Variants in TBC1D4 observed in about 807,000 individuals in gnomAD.
TBC1D4 encodes the protein TBC1 domain family member 4, also known as TBC (Tre-2, BUB2, CDC16) domain-containing protein.
TBC1D4 carries 121 observed loss-of-function variants against 142.5 expected under a neutral mutation model. The observed-to-expected ratio is 0.85, with a 90% CI of 0.73 to 0.99. The LOEUF is 0.99. TBC1D4 is among the 50% of genes least tolerant of loss of function. The pLI is 0.00. For synonymous variants in TBC1D4, 630 were observed against 628.2 expected, an observed-to-expected ratio of 1.00 and a Z score of -0.04; for missense variants, 1,475 against 1,606.6, an observed-to-expected ratio of 0.92 and a Z score of 1.40.
In TBC1D4 at chr13:75,464,060, C is replaced by T. The variant is rs189252997; in HGVS notation, c.498+17210G>A. ...GTACAGTTTTTCCCAGATGTCCAAA[C>T]AATGCCCTCCTCAGTATGTTAACTT... On this transcript the variant is annotated intron_variant, in intron 1 of 20. Coordinates refer to ENST00000377636, the MANE Select transcript of TBC1D4 (RefSeq NM_014832.5). 2.6e-3 allele frequency among the ~76,000 whole-genome samples: 402 copies of T among 152,324 alleles called. 3 individuals are homozygous for T. The highest frequency in any genetic ancestry group is 9.3e-3 in the African/African-American group (386 of 41,570).
intron 1 of TBC1D4, among the ~76,000 whole-genome samples, chr13:75,442,241 C>T (rs1368935486): frequency 1.3e-5 from 2 of 152,220 alleles, no homozygotes; most frequent in Admixed American, 1.3e-4. Context: ...TCAGTTTCTT[C>T]ATCTGTGAAA....
intron 1 of TBC1D4, among the ~76,000 whole-genome samples, chr13:75,466,256 A>G (rs1317300530): frequency 3.3e-5 from 5 of 152,246 alleles, no homozygotes; most frequent in Non-Finnish European, 7.3e-5. Context: ...AAAACTTAGC[A>G]GAAGTTAGTT....
chr13:75,463,898 T>C (rs1446312500), intron 1 of TBC1D4, among the ~76,000 whole-genome samples: 4 of 152,188 alleles, frequency 2.6e-5, no homozygotes, highest in African/African-American at 9.6e-5. Context: ...TATCCTGAAT[T>C]GTTCACCTCC....
At position 75,283,567 on chromosome 13, in the gene TBC1D4, A is replaced by G. The variant is rs1874460152; in HGVS notation, c.*3225T>C. ...CAAGAGATGCATATTTTATATAAAA[A>G]CATTCATATCACATCCATCAGTAAA... On this transcript the variant is annotated 3_prime_UTR_variant, in exon 21 of 21. Transcript: ENST00000377636. Among the ~76,000 whole-genome samples the G allele has an allele frequency of 6.6e-6, 1 of 152,224 alleles. No homozygotes were observed. Among genetic ancestry groups the G allele is most frequent in the Non-Finnish European group, 1.5e-5 (1 of 68,028 alleles).
Position 75,413,049 on chromosome 13 carries a change from A to T in TBC1D4, c.499-50442T>A, listed in dbSNP as rs2138407352. ...AACAGACAAGAAAATGGGCAAGTACAGTACAGTGTGATAAATGCCACAAAG... is the reference window on the plus strand; with the variant it reads ...AACAGACAAGAAAATGGGCAAGTACTGTACAGTGTGATAAATGCCACAAAG... On this transcript the variant is annotated intron_variant, in intron 1 of 20. Coordinates refer to ENST00000377636, the MANE Select transcript of TBC1D4 (RefSeq NM_014832.5). Among the ~76,000 whole-genome samples, 3 of 152,362 alleles carry T rather than the reference A, an allele frequency of 2.0e-5. No homozygotes were observed. In the South Asian group the frequency reaches 6.2e-4, roughly 32 times the overall value.
rs751490322 is a variant in TBC1D4, at chr13:75,324,239, G to A, written c.2196C>T (p.Ile732=). 6.8e-6 allele frequency: 11 copies of A among 1,613,638 alleles called. No homozygotes were observed. Among genetic ancestry groups the A allele is most frequent in the Non-Finnish European group, 9.3e-6 (11 of 1,179,726 alleles). The change falls in exon 11 of 21, where the codon ATC becomes ATT. Residue 732 remains isoleucine, a splice_region_variant and synonymous_variant. Coordinates refer to ENST00000377636, the MANE Select transcript of TBC1D4 (RefSeq NM_014832.5). ...GRLSPQYENE[I]RQDTASESSD... ...CAAACAGAGGACACTGATCTCACCT[G>A]ATTTCATTTTCATACTGTGGGGACA...
chr13:75,457,979 T>C (rs538157770), intron 1 of TBC1D4, among the ~76,000 whole-genome samples: 2 of 152,288 alleles, frequency 1.3e-5, no homozygotes, highest in African/African-American at 2.4e-5. Flanking sequence ...TCTGGCCGCA[T>C]AGTAGCATCT....
chr13:75,372,786 G>T (rs367617001), intron 1 of TBC1D4, among the ~76,000 whole-genome samples: 1 of 152,108 alleles, frequency 6.6e-6, no homozygotes, highest in Admixed American at 6.5e-5. Context: ...TAGAATTTTA[G>T]CTGATTAGAC....
At chr13:75,393,278 C>T (rs1884592377) in intron 1 of TBC1D4, among the ~76,000 whole-genome samples, 2 of 152,090 alleles carry the variant, frequency 1.3e-5, no homozygotes, top group Admixed American at 1.3e-4. Flanking sequence ...CTTACATTCA[C>T]ACATTTCACC....
intron 1 of TBC1D4, among the ~76,000 whole-genome samples, chr13:75,380,593 C>G (rs1191351417): frequency 6.6e-6 from 1 of 151,886 alleles, no homozygotes; most frequent in Non-Finnish European, 1.5e-5. Flanking sequence ...ACAATCAATC[C>G]CTATTTCCTT....
intron 15 of TBC1D4, 77 bp from the exon 16 acceptor site, chr13:75,302,478 A>G (rs949900377): frequency 6.4e-7 from 1 of 1,563,422 alleles, no homozygotes; most frequent in Non-Finnish European, 8.8e-7. Flanking sequence ...TTCACTATAT[A>G]ATTCTGGTAA....
At chr13:75,476,591 A>C (rs1322634069) in intron 1 of TBC1D4, among the ~76,000 whole-genome samples, 1 of 152,208 alleles carries the variant, frequency 6.6e-6, no homozygotes, top group Non-Finnish European at 1.5e-5. Context: ...TATCAGGGAA[A>C]GGACAGGCAA....
intron 12 of TBC1D4, among the ~76,000 whole-genome samples, chr13:75,315,223 G>A (rs1224117301): frequency 2.7e-5 from 4 of 145,958 alleles, no homozygotes; most frequent in Non-Finnish European, 3.0e-5. Context: ...TGGGAGAATC[G>A]CTTGAACCCA....
intron 17 of TBC1D4, among the ~76,000 whole-genome samples, chr13:75,296,811 T>A (rs1431833): frequency 0.51 from 77,877 of 151,860 alleles, 20,633 homozygotes; most frequent in Non-Finnish European, 0.58. Context: ...ACAAGATACA[T>A]GTATTTAAAG....
intron 1 of TBC1D4, among the ~76,000 whole-genome samples, chr13:75,440,665 C>A (rs1479572518): frequency 6.6e-6 from 1 of 151,812 alleles, no homozygotes; most frequent in East Asian, 1.9e-4. Flanking sequence ...GGGATCCCCC[C>A]AGCTTAGCCC....
intron 4 of TBC1D4, among the ~76,000 whole-genome samples, chr13:75,349,623 A>G (rs1309851680): frequency 6.6e-6 from 1 of 152,218 alleles, no homozygotes; most frequent in East Asian, 1.9e-4. Context: ...CTGTTTAATT[A>G]TATGCTTTAT....
chr13:75,327,730 T>C (rs771148443), intron 9 of TBC1D4, 22 bp downstream of exon 9: 2 of 1,613,436 alleles, frequency 1.2e-6, no homozygotes, highest in Non-Finnish European at 1.7e-6. Flanking sequence ...GCAATTAGTG[T>C]AAACAAGCTC....
At chr13:75,412,570 G>C (rs1239232306) in intron 1 of TBC1D4, among the ~76,000 whole-genome samples, 1 of 152,142 alleles carries the variant, frequency 6.6e-6, no homozygotes, top group East Asian at 1.9e-4. Flanking sequence ...CTTCGAAAGT[G>C]CTGGGATTAC....
At chr13:75,406,208 A>G (rs1416319167) in intron 1 of TBC1D4, among the ~76,000 whole-genome samples, 1 of 152,248 alleles carries the variant, frequency 6.6e-6, no homozygotes, top group East Asian at 1.9e-4. Context: ...TGAGAAACAC[A>G]TCTGAGAAGC....
Sources: allele counts gnomAD v4.1 joint callset (sites outside exome capture counted in the v4.1 genomes callset), GRCh38; gene constraint gnomAD v4.1.1; transcripts MANE v1.5; gene names NCBI Gene and HGNC (gene_info 2026-07-23, HGNC 2026-07-21).